Variants in RAD51D observed in about 807,000 individuals in gnomAD.
The protein encoded by RAD51D is RAD51 paralog D, also known as DNA repair protein RAD51 homolog 4.
A neutral mutation model predicts 44.1 loss-of-function variants in RAD51D; 38 were observed. That is an observed-to-expected ratio of 0.86 (90% CI 0.67 to 1.13). The LOEUF is 1.13. RAD51D is among the 50% of genes most tolerant of loss of function. RAD51D has a pLI of 0.00. For synonymous variants in RAD51D, 141 were observed against 166.6 expected (o/e 0.85, Z 1.18); for missense variants, 390 against 414.0 (o/e 0.94, Z 0.50).
rs1567736277 is a variant in RAD51D, at chr17:35,119,525, C to T, written c.82+7G>A. The T allele has an allele frequency of 1.2e-6, 2 of 1,611,218 alleles. No individual in the cohort carries two copies. The highest frequency in any genetic ancestry group is 1.7e-5 in the Admixed American group (1 of 60,028). Reference sequence around the variant, plus strand: ...CGCGGCTCCCTGGCACGCGCACACCCGGTCACCTGTCTTGATCCTGTGGCT... The same window carrying T: ...CGCGGCTCCCTGGCACGCGCACACCTGGTCACCTGTCTTGATCCTGTGGCT... On this transcript the variant is annotated splice_region_variant and intron_variant, in intron 1 of 9. Transcript: ENST00000345365.
In RAD51D at chr17:35,095,181, CTT is replaced by C. The variant is rs1382239216; in HGVS notation, c.*5770_*5771del. On this transcript the variant is annotated 3_prime_UTR_variant, in exon 10 of 10. Transcript: ENST00000345365. ...GTTGGAAGTTAGTTCTGAGTTAGTC[CTT>C]TGTTAAATTAAATTTGGGGTCGGGT... 1 of 152,120 alleles carries C rather than the reference CTT, an allele frequency of 6.6e-6. No homozygotes were observed. The highest frequency in any genetic ancestry group is 1.5e-5 in the Non-Finnish European group (1 of 68,046). The allele number at this position is 152,120 out of a possible 1,614,324, so 9.4% of individuals were successfully genotyped here.
chr17:35,116,405 G>A (rs1011252476), intron 3 of RAD51D, among the ~76,000 whole-genome samples: 3 of 152,190 alleles, frequency 2.0e-5, no homozygotes, highest in Non-Finnish European at 4.4e-5. Flanking sequence ...CTGGTCTGCC[G>A]TTTGCTAACT....
rs1567723960 is a variant in RAD51D, at chr17:35,100,132, AG to A, written c.*820del. 5.6e-6 allele frequency: 3 copies of A among 532,820 alleles called. No homozygotes were observed. Among genetic ancestry groups the A allele is most frequent in the Admixed American group, 4.4e-5 (2 of 44,986 alleles). 33.0% of individuals were successfully genotyped at this position (532,820 alleles called of 1,614,324 possible). On this transcript the variant is annotated 3_prime_UTR_variant, in exon 10 of 10. Transcript: ENST00000345365. ...CACCTCTGGTTATGCTGTACTGTGG[AG>A]GGGCCCCACAGGGCACCATGCATAT... is the stretch of plus-strand genomic sequence containing the variant.
chr17:35,116,900 C>T (rs2142467968), intron 3 of RAD51D: 1 of 1,598,172 alleles, frequency 6.3e-7, no homozygotes, highest in South Asian at 1.1e-5. Context: ...CGAAAGCATT[C>T]AGCGAAAGTC....
chr17:35,112,106 CT>C (rs1395970449), intron 3 of RAD51D, among the ~76,000 whole-genome samples: 1 of 152,202 alleles, frequency 6.6e-6, no homozygotes, highest in Non-Finnish European at 1.5e-5. Flanking sequence ...GAGACGGAGT[CT>C]CGCTCTGTCG....
Position 35,100,262 on chromosome 17 carries a change from T to C in RAD51D, c.*691A>G, listed in dbSNP as rs1363365432. 1 of 533,654 alleles carries C rather than the reference T, an allele frequency of 1.9e-6. No individual in the cohort carries two copies. The highest frequency in any genetic ancestry group is 3.6e-6 in the Non-Finnish European group (1 of 275,908). The allele number at this position is 533,654 out of a possible 1,614,324, so 33.1% of individuals were successfully genotyped here. On this transcript the variant is annotated 3_prime_UTR_variant, in exon 10 of 10. Transcript: ENST00000345365. Reference sequence around the variant, plus strand: ...CCCACACGTTCTCACCTAGTCATGGTGATGCAGGCAGGTCTGAAACCAAAT... The same window carrying C: ...CCCACACGTTCTCACCTAGTCATGGCGATGCAGGCAGGTCTGAAACCAAAT...
rs2091467930 is a variant in RAD51D, at chr17:35,093,383, T to C, written c.*7570A>G. The C allele has an allele frequency of 6.6e-6, 1 of 152,216 alleles. No homozygotes were observed. The highest frequency in any genetic ancestry group is 1.5e-5 in the Non-Finnish European group (1 of 68,050). The allele number at this position is 152,216 out of a possible 1,614,324, so 9.4% of individuals were successfully genotyped here. A position where few individuals can be genotyped will look rare whatever the true frequency, so the allele number is the denominator to read the frequency against. On this transcript the variant is annotated 3_prime_UTR_variant, in exon 10 of 10. Transcript: ENST00000345365. ...TTGTATCTTTGTCAGCACAGGCCCA[T>C]TGTTTTCCTACAAAACTCAAACTTA...
chr17:35,115,964 A>AGAAAGAAAGAAAGAAAGAAG (rs2091737547), intron 3 of RAD51D, among the ~76,000 whole-genome samples: 1 of 142,792 alleles, frequency 7.0e-6, no homozygotes, highest in Non-Finnish European at 1.6e-5. Context: ...AAGGAAAGAA[A>AGAAAGAAAGAAAGAAAGAAG]GAAAGAAAGA....
At chr17:35,116,583 T>C (rs934758210) in intron 3 of RAD51D, among the ~76,000 whole-genome samples, 1 of 152,074 alleles carries the variant, frequency 6.6e-6, no homozygotes, top group Non-Finnish European at 1.5e-5. Flanking sequence ...CAAGCTCCGC[T>C]TCCCGGGTTC....
intron 3 of RAD51D, chr17:35,116,784 G>T: frequency 8.3e-7 from 1 of 1,209,796 alleles, no homozygotes; most frequent in Non-Finnish European, 1.2e-6. Flanking sequence ...GTGAGCCACT[G>T]CGCCCGGCCT....
chr17:35,117,630 C>T (rs1381709727), intron 3 of RAD51D, among the ~76,000 whole-genome samples: 5 of 152,190 alleles, frequency 3.3e-5, no homozygotes, highest in Non-Finnish European at 7.3e-5. Flanking sequence ...GCTGGGACTA[C>T]AGGCGCCCGC....
At chr17:35,108,170 A>T (rs59136497) in intron 3 of RAD51D, among the ~76,000 whole-genome samples, 1 of 150,700 alleles carries the variant, frequency 6.6e-6, no homozygotes, top group East Asian at 2.0e-4. Flanking sequence ...GCTTGAACCC[A>T]GGAGGTGGAG....
rs2091481983 is a variant in RAD51D at position 35,095,615 on chromosome 17, A to AC, written c.*5337dup. The stretch of plus-strand genomic sequence containing the variant: ...GACCAGCCATGGCCAACATGATGAA[A>AC]CCCCATCTCTACTAAAAATACAAAA... On this transcript the variant is annotated 3_prime_UTR_variant, in exon 10 of 10. Coordinates refer to ENST00000345365, the MANE Select transcript of RAD51D (RefSeq NM_002878.4). 1 of 152,082 alleles carries AC rather than the reference A, an allele frequency of 6.6e-6. No homozygotes were observed. The highest frequency in any genetic ancestry group is 1.5e-5 in the Non-Finnish European group (1 of 68,064). 9.4% of individuals were successfully genotyped at this position (152,082 alleles called of 1,614,324 possible). A position where few individuals can be genotyped will look rare whatever the true frequency, so the allele number is the denominator to read the frequency against.
Position 35,119,588 on chromosome 17 carries a change from C to G in RAD51D, c.26G>C (p.Cys9Ser), listed in dbSNP as rs140825795. Residue 9 changes from cysteine to serine, a missense_variant, in exon 1 of 10, where the codon TGC becomes TCC. Physicochemically the swap from Cys to Ser is moderately radical, Grantham distance 112. Transcript: ENST00000345365. ...GATCATCTCCTCGGTAAGGCCAGGGCACAGTCCGACCCTGAGCACGCCCAT... is the reference window on the plus strand; with the variant it reads ...GATCATCTCCTCGGTAAGGCCAGGGGACAGTCCGACCCTGAGCACGCCCAT... The part of the protein sequence containing the change: MGVLRVGL[C>S]PGLTEEMIQL... The G allele has an allele frequency of 6.6e-4, 1,058 of 1,612,440 alleles. 1 individual carries two copies. Among genetic ancestry groups the G allele is most frequent in the Non-Finnish European group, 8.3e-4 (980 of 1,179,946 alleles).
intron 3 of RAD51D, chr17:35,116,966 C>G (rs749021705): frequency 3.1e-6 from 5 of 1,613,988 alleles, no homozygotes; most frequent in Non-Finnish European, 4.2e-6. Flanking sequence ...TGACCCCACT[C>G]CACGATCTCC....
intron 3 of RAD51D, among the ~76,000 whole-genome samples, chr17:35,108,273 A>C (rs1401847288): frequency 6.6e-6 from 1 of 151,800 alleles, no homozygotes; most frequent in Admixed American, 6.6e-5. Context: ...CAACAACAAC[A>C]ACAAGAAAAA....
rs923135487 is a variant in RAD51D, at chr17:35,094,676, A to G, written c.*6277T>C. ...ATTTACAGCAGAAGGCAGCGTGCAG[A>G]TGGGAAAAAATGGGTTTGGTATCAG... is the stretch of plus-strand genomic sequence containing the variant. On this transcript the variant is annotated 3_prime_UTR_variant, in exon 10 of 10. Coordinates refer to ENST00000345365, the MANE Select transcript of RAD51D (RefSeq NM_002878.4). 2 of 152,234 alleles carry G rather than the reference A, an allele frequency of 1.3e-5. No individual in the cohort carries two copies. The highest frequency in any genetic ancestry group is 4.8e-5 in the African/African-American group (2 of 41,442). The allele number at this position is 152,234 out of a possible 1,614,324, so 9.4% of individuals were successfully genotyped here. A position where few individuals can be genotyped will look rare whatever the true frequency, so the allele number is the denominator to read the frequency against.
chr17:35,107,366 C>G lies in RAD51D; in HGVS notation c.345G>C (p.Gln115His), dbSNP rs1555568469. The G allele has an allele frequency of 1.3e-6, 2 of 1,545,786 alleles. No homozygotes were observed. Among genetic ancestry groups the G allele is most frequent in the Non-Finnish European group, 1.8e-6 (2 of 1,117,948 alleles). The change falls in exon 4 of 10, where the codon CAG becomes CAC. Residue 115 changes from glutamine (Q) to histidine (H), a missense_variant and splice_region_variant. Gln to His is a conservative substitution (Grantham distance 24, BLOSUM62 0). Transcript: ENST00000345365. ...IVGGPGSGKT[Q>H]VCLCMAANVA... The stretch of plus-strand genomic sequence containing the variant: ...TCCTGACTGCTGGCCTCACATGTAC[C>G]TGAGTTTTGCCGCTACCTGGGCCTC...
intron 5 of RAD51D, 31 bp downstream of exon 5, chr17:35,106,957 A>C (rs774945958): frequency 1.2e-6 from 2 of 1,614,176 alleles, no homozygotes; most frequent in South Asian, 2.2e-5. Context: ...CTGTGTCAGA[A>C]TCTCAATGGA....
Sources: gnomAD v4.1 joint callset for allele counts (sites outside exome capture counted in the v4.1 genomes callset) on GRCh38, gnomAD v4.1.1 for gene constraint, MANE v1.5 for transcripts, NCBI Gene and HGNC (gene_info 2026-07-23, HGNC 2026-07-21) for gene names.